MMRN2: variants seen among roughly 807,000 people sequenced by gnomAD.
The protein encoded by MMRN2 is multimerin-2.
MMRN2 carries 53 observed loss-of-function variants against 68.8 expected under a neutral mutation model. The ratio of observed to expected loss-of-function variants is 0.77; its 90% CI spans 0.62 to 0.97. The LOEUF is 0.97. Ranked by LOEUF, MMRN2 falls within the 50% of genes least tolerant of loss-of-function variation. MMRN2 has a pLI of 0.00. For missense variants in MMRN2, 1,266 were observed against 1,259.5 expected (o/e 1.01, Z -0.08); for synonymous variants, 564 against 551.6 (o/e 1.02, Z -0.32).
chr10:86,953,292 T>C (rs1007782017), intron 1 of MMRN2, among the ~76,000 whole-genome samples: 5 of 152,050 alleles, frequency 3.3e-5, no homozygotes. Flanking sequence ...AAATTATGAG[T>C]ATTATTAGGG....
At chr10:86,957,346 C>T in intron 1 of MMRN2, 32 bp downstream of exon 1, 1 of 1,610,572 alleles carries the variant, frequency 6.2e-7, no homozygotes, top group Non-Finnish European at 8.5e-7. Context: ...GATCCTACTC[C>T]ATGACCTCTG....
At chr10:86,956,376 C>T (rs1272980477) in intron 1 of MMRN2, among the ~76,000 whole-genome samples, 1 of 152,210 alleles carries the variant, frequency 6.6e-6, no homozygotes, top group Non-Finnish European at 1.5e-5. Flanking sequence ...TGAGACCTAT[C>T]CCAGGCAGGT....
At chr10:86,951,647 G>A (rs1183250023) in intron 1 of MMRN2, among the ~76,000 whole-genome samples, 1 of 152,162 alleles carries the variant, frequency 6.6e-6, no homozygotes, top group African/African-American at 2.4e-5. Flanking sequence ...TTGGCCCACT[G>A]GCCATAGTTT....
chr10:86,943,744 G>A lies in MMRN2; in HGVS notation c.1040C>T (p.Pro347Leu). 1 of 1,608,250 alleles carries A rather than the reference G, an allele frequency of 6.2e-7. No individual in the cohort carries two copies. Among genetic ancestry groups the A allele is most frequent in the Non-Finnish European group, 8.5e-7 (1 of 1,179,954 alleles). The change falls in exon 6 of 7, where the codon CCA becomes CTA. Residue 347 changes from proline to leucine, a missense_variant. Coordinates refer to ENST00000372027, the MANE Select transcript of MMRN2 (RefSeq NM_024756.3). The surrounding 1 kb of genome is among the most constrained non-coding windows in gnomAD (Gnocchi z 4.2). ...CAACACCAGACTGCCATTGGTCCCT[G>A]GGGCCTCCTGAGCCTTGTGCAGCCT... is the stretch of plus-strand genomic sequence containing the variant. ...LKRLHKAQEA[P>L]GTNGSLVLAT...
intron 1 of MMRN2, among the ~76,000 whole-genome samples, chr10:86,955,710 C>G (rs541138129): frequency 6.6e-6 from 1 of 152,232 alleles, no homozygotes; most frequent in South Asian, 2.1e-4. Flanking sequence ...GGAAGCCGCG[C>G]GTTTCCTTCC....
At chr10:86,940,129 C>T (rs1475849800) in intron 6 of MMRN2, among the ~76,000 whole-genome samples, 2 of 151,700 alleles carry the variant, frequency 1.3e-5, no homozygotes, top group Admixed American at 6.6e-5. Flanking sequence ...TCTCCTGTCT[C>T]AGCCTCCCGA....
intron 6 of MMRN2, among the ~76,000 whole-genome samples, chr10:86,937,378 C>A (rs1214057966): frequency 6.6e-6 from 1 of 151,266 alleles, no homozygotes; most frequent in African/African-American, 2.4e-5. Context: ...AAAATACTTT[C>A]ATTTTTTTTT....
In MMRN2 at chr10:86,936,707, C is replaced by A. The variant is rs752277810; in HGVS notation, c.*36G>T. ...GAGCCCCAGGCCGAGGAGAGCTGGG[C>A]GAGTCCATGATGTCTGATCAGATTG... On this transcript the variant is annotated 3_prime_UTR_variant, in exon 7 of 7. Transcript: ENST00000372027. 6.2e-7 allele frequency: 1 copy of A among 1,601,934 alleles called. No individual in the cohort carries two copies. Among genetic ancestry groups the A allele is most frequent in the Non-Finnish European group, 8.5e-7 (1 of 1,171,824 alleles).
intron 4 of MMRN2, among the ~76,000 whole-genome samples, 181 bp downstream of exon 4, chr10:86,945,007 G>C (rs1252662250): frequency 6.6e-6 from 1 of 152,224 alleles, no homozygotes. Flanking sequence ...CCAGTAGGCC[G>C]CTGGGGGCCC....
intron 6 of MMRN2, among the ~76,000 whole-genome samples, chr10:86,939,806 G>GGTGTGTGTGTGTGTGT (rs769816445): frequency 6.8e-6 from 1 of 146,626 alleles, no homozygotes; most frequent in African/African-American, 2.6e-5. Flanking sequence ...GGAAATTTGG[G>GGTGTGTGTGTGTGTGT]GTGTGTGTGT....
chr10:86,955,864 C>CA lies in MMRN2; in HGVS notation c.164+1513dup, dbSNP rs1356846114. ...TGGGCATTCCTGGGCCAGGTACATG[C>CA]ACCCTCCCACTCAGAACCCCAGAGA... On this transcript the variant is annotated intron_variant, in intron 1 of 6. Coordinates refer to ENST00000372027, the MANE Select transcript of MMRN2 (RefSeq NM_024756.3). Among the ~76,000 whole-genome samples, 7 of 152,224 alleles carry CA rather than the reference C, an allele frequency of 4.6e-5. No individual in the cohort carries two copies. In the East Asian group the frequency reaches 1.4e-3, roughly 29 times the overall value.
intron 4 of MMRN2, 92 bp downstream of exon 4, chr10:86,945,096 G>A: frequency 8.8e-7 from 1 of 1,135,664 alleles, no homozygotes; most frequent in Non-Finnish European, 1.3e-6. Flanking sequence ...AGGTTTCCCT[G>A]AAATGGCACT....
In MMRN2 at chr10:86,943,751, C is replaced by T; in HGVS notation, c.1033G>A (p.Glu345Lys). 1 of 1,608,302 alleles carries T rather than the reference C, an allele frequency of 6.2e-7. No individual in the cohort carries two copies. Among genetic ancestry groups the T allele is most frequent in the Non-Finnish European group, 8.5e-7 (1 of 1,179,954 alleles). The change falls in exon 6 of 7, where the codon GAG becomes AAG. Residue 345 changes from glutamate to lysine, a missense_variant. By Grantham distance (56) the Glu-to-Lys change is moderately conservative (BLOSUM62 1). Coordinates refer to ENST00000372027, the MANE Select transcript of MMRN2 (RefSeq NM_024756.3). This position sits in a 1 kb window ranked among gnomAD's most constrained non-coding sequence, Gnocchi z 4.2. The part of the protein sequence containing the change: ...TKLKRLHKAQ[E>K]APGTNGSLVL... ...AGACTGCCATTGGTCCCTGGGGCCTCCTGAGCCTTGTGCAGCCTCTTCAAT... is the reference window on the plus strand; with the variant it reads ...AGACTGCCATTGGTCCCTGGGGCCTTCTGAGCCTTGTGCAGCCTCTTCAAT...
At chr10:86,956,585 G>A (rs1347592289) in intron 1 of MMRN2, among the ~76,000 whole-genome samples, 2 of 152,238 alleles carry the variant, frequency 1.3e-5, no homozygotes. Context: ...GTCAAACTCA[G>A]ATCCTGCTCC....
chr10:86,943,823 T>C lies in MMRN2; in HGVS notation c.961A>G (p.Thr321Ala), dbSNP rs935018998. ...VEDRLHAQHF[T>A]LHRSISELQA... is the part of the protein sequence containing the mutation. ...AGCTCTGAGATCGAGCGGTGCAGGG[T>C]AAAGTGCTGGGCGTGCAGGCGGTCC... The change falls in exon 6 of 7, where the codon ACC (threonine) becomes GCC (alanine). Residue 321 changes from threonine to alanine, a missense_variant. Thr to Ala is a moderately conservative substitution (Grantham distance 58). Coordinates refer to ENST00000372027, the MANE Select transcript of MMRN2 (RefSeq NM_024756.3). The surrounding 1 kb of genome is among the most constrained non-coding windows in gnomAD (Gnocchi z 4.2). 7.4e-6 allele frequency: 12 copies of C among 1,611,028 alleles called. No individual in the cohort carries two copies. The highest frequency in any genetic ancestry group is 1.7e-5 in the Admixed American group (1 of 60,006).
chr10:86,942,865 G>T lies in MMRN2; in HGVS notation c.1919C>A (p.Ala640Asp). ...LPLSYEQIRVALQDAASGLQE... is the reference protein window; with the variant it reads ...LPLSYEQIRVDLQDAASGLQE... ...CAGCCCGCTAGCGGCGTCCTGCAGGGCCACGCGGATCTGCTCGTAGCTCAG... is the reference window on the plus strand; with the variant it reads ...CAGCCCGCTAGCGGCGTCCTGCAGGTCCACGCGGATCTGCTCGTAGCTCAG... The change falls in exon 6 of 7, where the codon GCC (alanine) becomes GAC (aspartate). Residue 640 changes from alanine to aspartate, a missense_variant. Transcript: ENST00000372027. The T allele has an allele frequency of 2.1e-6, 3 of 1,415,606 alleles. No individual in the cohort carries two copies. Among genetic ancestry groups the T allele is most frequent in the Non-Finnish European group, 9.2e-7 (1 of 1,084,964 alleles). 87.7% of individuals were successfully genotyped at this position (1,415,606 alleles called of 1,614,324 possible). A position where few individuals can be genotyped will look rare whatever the true frequency, so the allele number is the denominator to read the frequency against.
rs1564733038 is a variant in MMRN2, at chr10:86,945,546, C to T, written c.293+15G>A. On this transcript the variant is annotated intron_variant, in intron 2 of 6. Transcript: ENST00000372027. ...GCTCCAGGCCTGGGCAAATGGCCCACCCTCCCCTACTCACATGACTTTGAC... is the reference window on the plus strand; with the variant it reads ...GCTCCAGGCCTGGGCAAATGGCCCATCCTCCCCTACTCACATGACTTTGAC... The T allele has an allele frequency of 1.3e-6, 2 of 1,578,014 alleles. No homozygotes were observed. The highest frequency in any genetic ancestry group is 8.6e-7 in the Non-Finnish European group (1 of 1,161,134).
intron 1 of MMRN2, chr10:86,949,213 T>C (rs1157933509): frequency 6.6e-6 from 1 of 152,082 alleles, no homozygotes; most frequent in East Asian, 1.9e-4. Flanking sequence ...ACAGTGAAAA[T>C]TGCATTCAAA....
intron 1 of MMRN2, chr10:86,948,717 G>A (rs1242889165): frequency 1.3e-5 from 2 of 152,218 alleles, no homozygotes; most frequent in Non-Finnish European, 2.9e-5. Context: ...ATTTTGGGAG[G>A]TTGAGGCAGG....
Sources: allele counts gnomAD v4.1 joint callset (sites outside exome capture counted in the v4.1 genomes callset), GRCh38; gene constraint gnomAD v4.1.1; non-coding constraint Gnocchi (gnomAD v3.1); transcripts MANE v1.5; gene names NCBI Gene and HGNC (gene_info 2026-07-23, HGNC 2026-07-21).